Variants in ST7 observed in about 807,000 individuals in gnomAD.
ST7 encodes the protein suppression of tumorigenicity 7.
ST7 carries 28 observed loss-of-function variants against 78.7 expected under a neutral mutation model. The ratio of observed to expected loss-of-function variants is 0.36; its 90% CI spans 0.26 to 0.49. The LOEUF (loss-of-function observed/expected upper bound fraction) is 0.49. ST7 is among the 20% of genes least tolerant of loss of function. The pLI, the probability that ST7 is intolerant of heterozygous loss-of-function variation, is 0.99. For missense variants in ST7, 418 were observed against 696.0 expected, an observed-to-expected ratio of 0.60 and a Z score of 4.49; for synonymous variants, 247 against 249.6, an observed-to-expected ratio of 0.99 and a Z score of 0.10.
chr7:117,142,911 A>G (rs1259868642), intron 9 of ST7, among the ~76,000 whole-genome samples: 3 of 152,082 alleles, frequency 2.0e-5, no homozygotes, highest in African/African-American at 7.2e-5. Context: ...TGCCTGGCCC[A>G]GACATCGGGT....
intron 1 of ST7, among the ~76,000 whole-genome samples, chr7:117,054,919 T>G (rs989065421): frequency 1.3e-5 from 2 of 152,152 alleles, no homozygotes; most frequent in African/African-American, 2.4e-5. Context: ...ATATTAGGCA[T>G]TGTGTGTGGT....
At chr7:117,216,823 C>T (rs1236977393) in intron 13 of ST7, among the ~76,000 whole-genome samples, 2 of 145,198 alleles carry the variant, frequency 1.4e-5, no homozygotes, top group Admixed American at 1.4e-4. Flanking sequence ...ATTTTAAGAG[C>T]ACCATAAGCA....
At chr7:117,045,430 T>G (rs1797443382) in intron 1 of ST7, among the ~76,000 whole-genome samples, 1 of 152,112 alleles carries the variant, frequency 6.6e-6, no homozygotes, top group African/African-American at 2.4e-5. Flanking sequence ...GACTTTGCGC[T>G]TCATGGTCCC....
chr7:117,129,763 G>A (rs377291566), intron 3 of ST7, 30 bp from the exon 4 acceptor site: 27 of 1,587,310 alleles, frequency 1.7e-5, no homozygotes, highest in Middle Eastern at 1.7e-4. Context: ...GAACTTACGC[G>A]TAACATTTTC....
intron 1 of ST7, among the ~76,000 whole-genome samples, chr7:117,044,913 CA>C (rs1259420296): frequency 6.6e-6 from 1 of 152,064 alleles, no homozygotes; most frequent in Non-Finnish European, 1.5e-5. Context: ...AGATGTGTTC[CA>C]AAACTGATTT....
In ST7 at chr7:117,134,044, A is replaced by G. The variant is rs578251401; in HGVS notation, c.642-80A>G. ...ACCTTCCCCTCTTTGATTACCCTGA[A>G]CTCCGAAATGACATAGTGACTCTCT... On this transcript the variant is annotated intron_variant, in intron 6 of 15. Coordinates refer to ENST00000323984, the MANE Select transcript of ST7 (RefSeq NM_001369598.1). The G allele has an allele frequency of 5.7e-5, 90 of 1,569,212 alleles. No homozygotes were observed. In the African/African-American group the frequency reaches 9.8e-4, roughly 17 times the overall value.
In ST7 at chr7:117,070,303, C is replaced by T. The variant is rs545637677; in HGVS notation, c.152-29459C>T. On this transcript the variant is annotated intron_variant, in intron 1 of 15. Transcript: ENST00000323984. ...ATGTTGTACAGTTTATTAACATCTT[C>T]AGGCCCATTTCTCATCTGTAAAAGG... Among the ~76,000 whole-genome samples, 7 of 152,288 alleles carry T rather than the reference C, an allele frequency of 4.6e-5. No individual in the cohort carries two copies. The East Asian group carries it at 1.3e-3, about 29-fold the overall frequency.
chr7:116,996,578 GT>G (rs1419198680), intron 1 of ST7, among the ~76,000 whole-genome samples: 1 of 152,182 alleles, frequency 6.6e-6, no homozygotes, highest in African/African-American at 2.4e-5. Context: ...TAACCAGGCA[GT>G]TTAGGAATCT....
At chr7:117,178,575 A>G (rs777040712) in intron 10 of ST7, among the ~76,000 whole-genome samples, 5 of 152,220 alleles carry the variant, frequency 3.3e-5, no homozygotes, top group Non-Finnish European at 7.3e-5. Context: ...GGATTTATAT[A>G]TCTACTTGCT....
intron 10 of ST7, among the ~76,000 whole-genome samples, chr7:117,185,267 C>T (rs1809148059): frequency 6.6e-6 from 1 of 152,210 alleles, no homozygotes; most frequent in South Asian, 2.1e-4. Flanking sequence ...GACAGCACCT[C>T]ATATGATAAA....
At position 117,012,851 on chromosome 7, in the gene ST7, C is replaced by T. The variant is rs116266746; in HGVS notation, c.151+59160C>T. Among the ~76,000 whole-genome samples the T allele has an allele frequency of 5.1e-3, 780 of 152,194 alleles. 6 individuals are homozygous for T. Among genetic ancestry groups the T allele is most frequent in the African/African-American group, 0.018 (740 of 41,534 alleles). On this transcript the variant is annotated intron_variant, in intron 1 of 15. Coordinates refer to ENST00000323984, the MANE Select transcript of ST7 (RefSeq NM_001369598.1). ...CTGTTTGCTAAGCCTGGCTTTTAAC[C>T]CCTCTGCTGGATTTCTGAGGTATGG...
chr7:117,027,463 A>AAAAGTAAAGTAAAGTAAAGTGAAGT lies in ST7; in HGVS notation c.152-72279_152-72278insGAAGTAAAGTAAAGTAAAGTAAAGT, dbSNP rs1554427207. Among the ~76,000 whole-genome samples, 727 of 140,732 alleles carry AAAAGTAAAGTAAAGTAAAGTGAAGT rather than the reference A, an allele frequency of 5.2e-3. 7 individuals carry two copies. Among genetic ancestry groups the AAAAGTAAAGTAAAGTAAAGTGAAGT allele is most frequent in the Non-Finnish European group, 7.6e-3 (499 of 65,924 alleles). The allele number at this position is 140,732 out of a possible 152,430, so 92.3% of individuals were successfully genotyped here. ...TCAAAAGTGAAAAGTAAAGTAAAGT[A>AAAAGTAAAGTAAAGTAAAGTGAAGT]AAAGTAAAGTAAAGTAAAGTAAAGT... On this transcript the variant is annotated intron_variant, in intron 1 of 15. Transcript: ENST00000323984.
chr7:117,102,815 A>C (rs1801665695), intron 2 of ST7, among the ~76,000 whole-genome samples: 1 of 152,132 alleles, frequency 6.6e-6, no homozygotes, highest in East Asian at 1.9e-4. Flanking sequence ...AGACAACATG[A>C]TCTTATATTT....
intron 1 of ST7, among the ~76,000 whole-genome samples, chr7:117,010,265 G>A (rs927231338): frequency 1.3e-5 from 2 of 152,134 alleles, no homozygotes; most frequent in African/African-American, 4.8e-5. Flanking sequence ...TCTTTTATCT[G>A]GTTAGTGCTA....
At chr7:117,003,142 T>C (rs769250874) in intron 1 of ST7, among the ~76,000 whole-genome samples, 198 of 151,514 alleles carry the variant, frequency 1.3e-3, no homozygotes, top group Non-Finnish European at 2.5e-3. Context: ...TTTTTTAGAA[T>C]GTGTGTATTA....
chr7:117,200,964 G>T (rs557950076), intron 12 of ST7, among the ~76,000 whole-genome samples: 1 of 152,064 alleles, frequency 6.6e-6, no homozygotes, highest in African/African-American at 2.4e-5. Context: ...CATTGTTATA[G>T]TGATGGAAAT....
intron 1 of ST7, among the ~76,000 whole-genome samples, chr7:117,009,683 A>T (rs1038277632): frequency 4.0e-5 from 6 of 151,380 alleles, no homozygotes; most frequent in African/African-American, 1.2e-4. Flanking sequence ...TAATTGCTAT[A>T]TTTTTTTTTA....
At chr7:117,154,206 A>G (rs1029829788) in intron 9 of ST7, among the ~76,000 whole-genome samples, 3 of 152,170 alleles carry the variant, frequency 2.0e-5, no homozygotes, top group Admixed American at 6.5e-5. Flanking sequence ...CAGTGCCCTT[A>G]TAAGAAAAGA....
At position 117,080,116 on chromosome 7, in the gene ST7, G is replaced by A. The variant is rs1015100245; in HGVS notation, c.152-19646G>A. 1.7e-4 allele frequency among the ~76,000 whole-genome samples: 26 copies of A among 150,572 alleles called. 2 individuals are homozygous for A. In the East Asian group the frequency reaches 5.1e-3, roughly 29 times the overall value. Reference sequence around the variant, plus strand: ...CTGCCTCAGCCTCCCAAGTAGCTGGGACTACAGGCGCCCGCCACTACGCCC... The same window carrying A: ...CTGCCTCAGCCTCCCAAGTAGCTGGAACTACAGGCGCCCGCCACTACGCCC... On this transcript the variant is annotated intron_variant, in intron 1 of 15. Coordinates refer to ENST00000323984, the MANE Select transcript of ST7 (RefSeq NM_001369598.1).
Sources: allele counts gnomAD v4.1 joint callset (sites outside exome capture counted in the v4.1 genomes callset), GRCh38; gene constraint gnomAD v4.1.1; transcripts MANE v1.5; gene names NCBI Gene and HGNC (gene_info 2026-07-23, HGNC 2026-07-21).